The following FGFR3 variants were observed in gnomAD, a reference collection of about 807,000 sequenced individuals.
The protein encoded by FGFR3 is fibroblast growth factor receptor 3.
A neutral mutation model predicts 82.9 loss-of-function variants in FGFR3; 25 were observed. The ratio of observed to expected loss-of-function variants is 0.30; its 90% CI spans 0.22 to 0.42. The LOEUF is 0.42. Among genes scored for constraint, FGFR3 ranks in the 10% least tolerant of loss-of-function variants. FGFR3 has a pLI of 1.00. For missense variants in FGFR3, 1,026 were observed against 1,161.0 expected (o/e 0.88, Z 1.69); for synonymous variants, 620 against 516.0 (o/e 1.20, Z -2.73).
rs2108812795 is a variant in FGFR3 at position 1,806,691 on chromosome 4, G to T, written c.2168+8G>T. On this transcript the variant is annotated splice_region_variant and intron_variant, in intron 16 of 17. Coordinates refer to ENST00000440486, the MANE Select transcript of FGFR3 (RefSeq NM_000142.5). ...CAACTGCACACACGACCTGTGAGTG[G>T]CATCCCTGGCCCTCCACTGGGTCCT... is the stretch of plus-strand genomic sequence containing the variant. 4 of 1,610,446 alleles carry T rather than the reference G, an allele frequency of 2.5e-6. No homozygotes were observed. Among genetic ancestry groups the T allele is most frequent in the Non-Finnish European group, 3.4e-6 (4 of 1,179,502 alleles).
At chr4:1,794,510 C>T (rs1052299878) in intron 2 of FGFR3, among the ~76,000 whole-genome samples, 5 of 152,152 alleles carry the variant, frequency 3.3e-5, no homozygotes, top group South Asian at 4.1e-4. Flanking sequence ...GAAGCCCGGC[C>T]CCTGCCCGCC....
chr4:1,800,445 G>C (rs1407030428), intron 4 of FGFR3, among the ~76,000 whole-genome samples: 1 of 152,140 alleles, frequency 6.6e-6, no homozygotes, highest in African/African-American at 2.4e-5. Context: ...ATGGGGGGCA[G>C]TTACGACTTG....
rs765363154 is a variant in FGFR3 at position 1,805,337 on chromosome 4, C to A, written c.1413-18C>A. On this transcript the variant is annotated intron_variant, in intron 10 of 17. Coordinates refer to ENST00000440486, the MANE Select transcript of FGFR3 (RefSeq NM_000142.5). ...GGGCGAGTTTGCACACTCATGGTCC[C>A]TCTGCCTCCACTGCCAGGCTGACCC... The A allele has an allele frequency of 6.2e-7, 1 of 1,610,314 alleles. No individual in the cohort carries two copies. Among genetic ancestry groups the A allele is most frequent in the South Asian group, 1.1e-5 (1 of 90,994 alleles).
Position 1,802,846 on chromosome 4 carries a change from A to G in FGFR3, c.930+821A>G, listed in dbSNP as rs3135881. 128 of 1,516,708 alleles carry G rather than the reference A, an allele frequency of 8.4e-5. No homozygotes were observed. In the East Asian group the frequency reaches 2.9e-3, roughly 35 times the overall value. The allele number at this position is 1,516,708 out of a possible 1,614,324, so 94.0% of individuals were successfully genotyped here. ...TCGATCTGTACCTTGGGGGTCTCCC[A>G]CATCCTGCCTCGTGCCCGGCGGGGC... On this transcript the variant is annotated intron_variant, in intron 7 of 17. Coordinates refer to ENST00000440486, the MANE Select transcript of FGFR3 (RefSeq NM_000142.5).
Position 1,793,880 on chromosome 4 carries a change from G to A in FGFR3, c.-55G>A, listed in dbSNP as rs1720138982. ...CCGCCGGTGCCCGCGCCGGGCCGTG[G>A]GGGGCAGCATGCCCGCGCGCGCTGC... On this transcript the variant is annotated 5_prime_UTR_variant, in exon 2 of 18. Transcript: ENST00000440486. The A allele has an allele frequency of 1.4e-6, 1 of 691,708 alleles. No individual in the cohort carries two copies. The highest frequency in any genetic ancestry group is 6.5e-5 in the South Asian group (1 of 15,460). The allele number at this position is 691,708 out of a possible 1,614,324, so 42.8% of individuals were successfully genotyped here. A position where few individuals can be genotyped will look rare whatever the true frequency, so the allele number is the denominator to read the frequency against.
At chr4:1,805,973 C>T (rs1365146402) in intron 13 of FGFR3, 33 bp downstream of exon 13, 2 of 1,609,490 alleles carry the variant, frequency 1.2e-6, no homozygotes, top group Non-Finnish European at 1.7e-6. Context: ...GTGGAGTAGG[C>T]TGGGCCCTGC....
intron 7 of FGFR3, chr4:1,802,774 C>T: frequency 9.3e-7 from 1 of 1,077,796 alleles, no homozygotes; most frequent in Non-Finnish European, 1.3e-6. Context: ...CCGTGAAGTG[C>T]CTCCACGCCT....
Position 1,801,415 on chromosome 4 carries a change from C to T in FGFR3, c.494C>T (p.Ala165Val), listed in dbSNP as rs2108780430. Residue 165 changes from alanine (A) to valine (V), a missense_variant, in exon 5 of 18, where the codon GCC (alanine) becomes GTC (valine). Ala to Val is a moderately conservative substitution (Grantham distance 64). Around this residue, in one of 9 missense-constraint regions of FGFR3, gnomAD observed 147 missense variants for 228.1 expected, o/e 0.64. Coordinates refer to ENST00000440486, the MANE Select transcript of FGFR3 (RefSeq NM_000142.5). ...RPERMDKKLL[A>V]VPAANTVRFR... ...GAGCGGATGGACAAGAAGCTGCTGGCCGTGCCGGCCGCCAACACCGTCCGC... is the reference window on the plus strand; with the variant it reads ...GAGCGGATGGACAAGAAGCTGCTGGTCGTGCCGGCCGCCAACACCGTCCGC... The T allele has an allele frequency of 6.4e-7, 1 of 1,552,468 alleles. No homozygotes were observed. Among genetic ancestry groups the T allele is most frequent in the Non-Finnish European group, 8.7e-7 (1 of 1,149,042 alleles).
chr4:1,799,849 G>A (rs1333560832), intron 4 of FGFR3, 37 bp downstream of exon 4: 1 of 1,605,678 alleles, frequency 6.2e-7, no homozygotes, highest in Admixed American at 1.7e-5. Flanking sequence ...CAGCCGGGGT[G>A]GGGCCCGCTG....
chr4:1,795,816 C>G (rs1206591558), intron 2 of FGFR3, among the ~76,000 whole-genome samples: 1 of 152,170 alleles, frequency 6.6e-6, no homozygotes, highest in Non-Finnish European at 1.5e-5. Flanking sequence ...GGTGCAGGGC[C>G]TTTCCCGAAG....
At chr4:1,807,080 C>T (rs1459936578) in intron 17 of FGFR3, 36 bp from the exon 18 acceptor site, 5 of 1,556,742 alleles carry the variant, frequency 3.2e-6, no homozygotes, top group Admixed American at 1.9e-5. Flanking sequence ...AAGAGGGGCT[C>T]GGTGGCACAG....
Position 1,806,930 on chromosome 4 carries a change from C to G in FGFR3, c.2270C>G (p.Thr757Ser), listed in dbSNP as rs748763892. The change falls in exon 17 of 18, where the codon ACC (threonine) becomes AGC (serine). Residue 757 changes from threonine to serine, a missense_variant. Coordinates refer to ENST00000440486, the MANE Select transcript of FGFR3 (RefSeq NM_000142.5). ...DLDRVLTVTSTDEYLDLSAPF... is the reference protein window; with the variant it reads ...DLDRVLTVTSSDEYLDLSAPF... ...GACCGTGTCCTTACCGTGACGTCCA[C>G]CGACGTGAGTGCTGGCTCTGGCCTG... is the stretch of plus-strand genomic sequence containing the variant. The G allele has an allele frequency of 1.3e-5, 21 of 1,604,484 alleles. No homozygotes were observed. Among genetic ancestry groups the G allele is most frequent in the African/African-American group, 2.7e-5 (2 of 74,736 alleles).
At chr4:1,798,776 C>T (rs992693987) in intron 2 of FGFR3, among the ~76,000 whole-genome samples, 1 of 152,182 alleles carries the variant, frequency 6.6e-6, no homozygotes, top group African/African-American at 2.4e-5. Flanking sequence ...CCAACCCTGG[C>T]ACCCCCTCTG....
chr4:1,797,417 C>T (rs574280844), intron 2 of FGFR3, among the ~76,000 whole-genome samples: 4 of 152,192 alleles, frequency 2.6e-5, no homozygotes, highest in Non-Finnish European at 4.4e-5. Flanking sequence ...GCTGCACCCT[C>T]CCCACCACAC....
intron 4 of FGFR3, among the ~76,000 whole-genome samples, chr4:1,800,427 G>C (rs1205517760): frequency 6.6e-6 from 1 of 152,076 alleles, no homozygotes; most frequent in Non-Finnish European, 1.5e-5. Flanking sequence ...GGTCATCGTG[G>C]CACAGACATG....
intron 2 of FGFR3, among the ~76,000 whole-genome samples, chr4:1,795,175 A>T (rs1365412218): frequency 2.0e-5 from 3 of 151,998 alleles, no homozygotes; most frequent in African/African-American, 7.3e-5. Context: ...CAGCGGCGTG[A>T]CAGGGGCCGT....
Position 1,807,275 on chromosome 4 carries a change from C to A in FGFR3, c.*13C>A. On this transcript the variant is annotated 3_prime_UTR_variant, in exon 18 of 18. Transcript: ENST00000440486. ...CTCGCGGACGTGAAGGGCCACTGGT[C>A]CCCAACAATGTGAGGGGTCCCTAGC... 1 of 1,588,224 alleles carries A rather than the reference C, an allele frequency of 6.3e-7. No homozygotes were observed. The highest frequency in any genetic ancestry group is 2.3e-5 in the East Asian group (1 of 43,392).
intron 2 of FGFR3, 46 bp downstream of exon 2, chr4:1,794,089 C>A (rs1416745598): frequency 1.7e-6 from 2 of 1,186,808 alleles, no homozygotes; most frequent in Non-Finnish European, 2.2e-6. Flanking sequence ...CCCGTGCGGG[C>A]AGAGGCGTTG....
intron 2 of FGFR3, among the ~76,000 whole-genome samples, chr4:1,797,101 C>T (rs936675903): frequency 4.6e-5 from 7 of 152,182 alleles, no homozygotes; most frequent in African/African-American, 1.7e-4. Context: ...AGTTTTGTCT[C>T]CAACGTGTTT....
Sources: allele counts gnomAD v4.1 joint callset (sites outside exome capture counted in the v4.1 genomes callset), GRCh38; gene constraint gnomAD v4.1.1; regional missense constraint gnomAD v4.1.1; transcripts MANE v1.5; gene names NCBI Gene and HGNC (gene_info 2026-07-23, HGNC 2026-07-21).